GALNT13: variants seen among roughly 807,000 people sequenced by gnomAD.
GALNT13 encodes polypeptide N-acetylgalactosaminyltransferase 13.
In GALNT13, 28 loss-of-function variants were observed where a neutral mutation model predicts 64.2. The observed-to-expected ratio is 0.44, with a 90% CI of 0.32 to 0.60. The LOEUF is 0.60. GALNT13 is among the 20% of genes least tolerant of loss of function. The pLI is 0.05. For missense variants in GALNT13, 577 were observed against 669.8 expected (o/e 0.86, Z 1.53); for synonymous variants, 214 against 224.6 (o/e 0.95, Z 0.42).
At chr2:153,195,050 G>C in the GALNT13 span, among the ~76,000 whole-genome samples, 13 of 152,154 alleles carry the variant, frequency 8.5e-5, no homozygotes, top group Admixed American at 7.2e-4. Context: ...GCAGTTTCTT[G>C]GGCCTTTAGG....
the GALNT13 span, among the ~76,000 whole-genome samples, chr2:153,361,201 C>G: frequency 6.6e-6 from 1 of 152,100 alleles, no homozygotes; most frequent in Non-Finnish European, 1.5e-5. Context: ...CCCACAAAAA[C>G]CACATCCGAG....
intron 7 of GALNT13, 96 bp downstream of exon 7, chr2:154,246,078 T>G: frequency 1.3e-6 from 1 of 755,622 alleles, no homozygotes; most frequent in Non-Finnish European, 2.1e-6. Flanking sequence ...TTTAATTGTA[T>G]CCTTATTATT....
chr2:153,788,986 C>G, the GALNT13 span, among the ~76,000 whole-genome samples: 2 of 152,170 alleles, frequency 1.3e-5, no homozygotes, highest in African/African-American at 4.8e-5. Flanking sequence ...CTTATATTCT[C>G]ACACAATAAT....
Position 154,151,105 on chromosome 2 carries a change from G to A in GALNT13, c.311+10600G>A, listed in dbSNP as rs547164867. On this transcript the variant is annotated intron_variant, in intron 4 of 12. Coordinates refer to ENST00000392825, the MANE Select transcript of GALNT13 (RefSeq NM_052917.4). ...TCCCTCTACACAGTGCTTCGAATGCGTCCCAGAGATTCTGGTATGTTGTGT... is the reference window on the plus strand; with the variant it reads ...TCCCTCTACACAGTGCTTCGAATGCATCCCAGAGATTCTGGTATGTTGTGT... 2.8e-3 allele frequency among the ~76,000 whole-genome samples: 430 copies of A among 152,230 alleles called. 5 individuals carry two copies. Among genetic ancestry groups the A allele is most frequent in the African/African-American group, 9.7e-3 (401 of 41,510 alleles).
At chr2:153,438,320 C>G in the GALNT13 span, among the ~76,000 whole-genome samples, 1 of 152,164 alleles carries the variant, frequency 6.6e-6, no homozygotes, top group South Asian at 2.1e-4. Context: ...TTGCTCTTCT[C>G]GAGGATTATC....
chr2:154,053,096 C>T (rs928057644), intron 3 of GALNT13, among the ~76,000 whole-genome samples: 2 of 152,088 alleles, frequency 1.3e-5, no homozygotes, highest in Non-Finnish European at 2.9e-5. Context: ...TAAAAAACTT[C>T]CCACAGCTGA....
rs148022728 is a variant in GALNT13 at position 154,328,627 on chromosome 2, C to T, written c.1156+27038C>T. Among the ~76,000 whole-genome samples, 487 of 152,198 alleles carry T rather than the reference C, an allele frequency of 3.2e-3. 4 individuals carry two copies. Among genetic ancestry groups the T allele is most frequent in the East Asian group, 0.019 (100 of 5,156 alleles). ...TAAAAAATGCTCCACCCTACATCTACTGAATCAAAATCTGTATTTCAACCA... is the reference window on the plus strand; with the variant it reads ...TAAAAAATGCTCCACCCTACATCTATTGAATCAAAATCTGTATTTCAACCA... On this transcript the variant is annotated intron_variant, in intron 9 of 12. Transcript: ENST00000392825.
intron 7 of GALNT13, among the ~76,000 whole-genome samples, chr2:154,246,927 A>G (rs1308402834): frequency 6.6e-6 from 1 of 152,076 alleles, no homozygotes; most frequent in Non-Finnish European, 1.5e-5. Flanking sequence ...TAAAGTTGCA[A>G]CAACATTAAG....
At chr2:154,123,576 T>C (rs994250445) in intron 3 of GALNT13, among the ~76,000 whole-genome samples, 2 of 151,974 alleles carry the variant, frequency 1.3e-5, no homozygotes, top group African/African-American at 4.8e-5. Flanking sequence ...AATGATAATA[T>C]CTTGCCCTGT....
At chr2:154,065,491 A>C (rs1343518595) in intron 3 of GALNT13, among the ~76,000 whole-genome samples, 1 of 152,122 alleles carries the variant, frequency 6.6e-6, no homozygotes, top group East Asian at 1.9e-4. Flanking sequence ...GCCACCCCTC[A>C]CCCAGCTCCA....
At chr2:153,724,890 C>T in the GALNT13 span, among the ~76,000 whole-genome samples, 1 of 151,236 alleles carries the variant, frequency 6.6e-6, no homozygotes, top group Non-Finnish European at 1.5e-5. Flanking sequence ...TTGTGGAAGT[C>T]AGTGTGGCCA....
intron 3 of GALNT13, among the ~76,000 whole-genome samples, chr2:154,121,451 GA>G (rs773482042): frequency 1.3e-5 from 2 of 152,042 alleles, no homozygotes; most frequent in Non-Finnish European, 2.9e-5. Context: ...TCTAATCCAT[GA>G]AAACACTATT....
the GALNT13 span, among the ~76,000 whole-genome samples, chr2:153,365,054 A>G: frequency 6.0e-3 from 921 of 152,290 alleles, 8 homozygotes; most frequent in African/African-American, 0.021. Flanking sequence ...ATATAGATCA[A>G]TGGAACAGAA....
intron 3 of GALNT13, among the ~76,000 whole-genome samples, chr2:154,139,621 A>AACACACACACAC (rs59526662): frequency 2.8e-4 from 42 of 147,534 alleles, no homozygotes; most frequent in Non-Finnish European, 4.5e-4. Flanking sequence ...ATGTGTAGGC[A>AACACACACACAC]ACACACACAC....
the GALNT13 span, among the ~76,000 whole-genome samples, chr2:153,327,690 C>A: frequency 4.6e-5 from 7 of 151,940 alleles, no homozygotes; most frequent in Non-Finnish European, 7.4e-5. Context: ...GTTAGCAGTT[C>A]CTGTAACCTT....
At chr2:154,155,408 T>C (rs1684351328) in intron 4 of GALNT13, among the ~76,000 whole-genome samples, 1 of 152,030 alleles carries the variant, frequency 6.6e-6, no homozygotes, top group Non-Finnish European at 1.5e-5. Flanking sequence ...AGCAGATAGT[T>C]TTGTTATTGC....
chr2:153,582,464 G>T, the GALNT13 span, among the ~76,000 whole-genome samples: 6 of 151,994 alleles, frequency 3.9e-5, no homozygotes, highest in Admixed American at 1.3e-4. Context: ...TAAAATTCCG[G>T]TTATACAGCA....
chr2:153,200,565 G>A, the GALNT13 span, among the ~76,000 whole-genome samples: 5 of 152,140 alleles, frequency 3.3e-5, no homozygotes, highest in Non-Finnish European at 7.3e-5. Context: ...GCAGGAATTC[G>A]CTTTTATTTA....
chr2:154,041,120 CA>C (rs1419170566), intron 3 of GALNT13, among the ~76,000 whole-genome samples: 1 of 139,756 alleles, frequency 7.2e-6, no homozygotes, highest in African/African-American at 2.5e-5. Context: ...ATAAGAAATT[CA>C]GGGATTATAT....
Sources: allele counts gnomAD v4.1 joint callset (sites outside exome capture counted in the v4.1 genomes callset), GRCh38; gene constraint gnomAD v4.1.1; transcripts MANE v1.5; gene names NCBI Gene and HGNC (gene_info 2026-07-23, HGNC 2026-07-21).